HTR7: variants seen among roughly 807,000 people sequenced by gnomAD.
HTR7 encodes the protein 5-hydroxytryptamine receptor 7, also known as 5-HT-7.
A neutral mutation model predicts 34.0 loss-of-function variants in HTR7; 16 were observed. That is an observed-to-expected ratio of 0.47 (90% confidence interval 0.32 to 0.71). The LOEUF is 0.71. Ranked by LOEUF, HTR7 falls within the 30% of genes least tolerant of loss-of-function variation. The probability of loss-of-function intolerance (pLI) is 0.04; values close to 1 mark genes in which losing one functional copy is unlikely to be tolerated. For missense variants in HTR7, 504 were observed against 625.5 expected (o/e 0.81, Z 2.07); for synonymous variants, 265 against 260.2 (o/e 1.02, Z -0.18).
intron 1 of HTR7, among the ~76,000 whole-genome samples, chr10:90,817,012 T>C (rs1845907040): frequency 6.6e-6 from 1 of 152,234 alleles, no homozygotes; most frequent in African/African-American, 2.4e-5. Context: ...TCTATGTCTC[T>C]TGGCCACAAG....
intron 1 of HTR7, among the ~76,000 whole-genome samples, chr10:90,751,702 AG>A (rs1589435512): frequency 6.6e-6 from 1 of 152,314 alleles, no homozygotes; most frequent in East Asian, 1.9e-4. Context: ...ATGACAAAAA[AG>A]GTTGTATTTT....
intron 2 of HTR7, among the ~76,000 whole-genome samples, chr10:90,746,499 G>A (rs1021363673): frequency 6.6e-6 from 1 of 152,052 alleles, no homozygotes; most frequent in African/African-American, 2.4e-5. Context: ...TCCCTTGTCT[G>A]CCCTCCTCAC....
intron 1 of HTR7, among the ~76,000 whole-genome samples, chr10:90,823,250 G>T (rs567296455): frequency 1.3e-5 from 2 of 152,308 alleles, no homozygotes; most frequent in East Asian, 3.9e-4. Flanking sequence ...AGCCGAGGGG[G>T]CTATACCCTG....
At chr10:90,757,627 T>C (rs1188893652) in intron 1 of HTR7, among the ~76,000 whole-genome samples, 3 of 151,998 alleles carry the variant, frequency 2.0e-5, no homozygotes, top group African/African-American at 4.8e-5. Context: ...AAGAGAAAAA[T>C]AGCATATCAA....
chr10:90,856,961 C>G (rs770518504), intron 1 of HTR7, among the ~76,000 whole-genome samples, 172 bp downstream of exon 1: 19 of 152,206 alleles, frequency 1.2e-4, no homozygotes, highest in Non-Finnish European at 2.2e-4. Context: ...TAGGCTATGC[C>G]GTAACCGAAG....
At chr10:90,759,541 G>C (rs918741095) in intron 1 of HTR7, among the ~76,000 whole-genome samples, 2 of 150,784 alleles carry the variant, frequency 1.3e-5, no homozygotes, top group Non-Finnish European at 3.0e-5. Flanking sequence ...TGTAGTCCCA[G>C]CTACTCGGGA....
chr10:90,842,808 A>G (rs1354885785), intron 1 of HTR7, among the ~76,000 whole-genome samples: 1 of 151,950 alleles, frequency 6.6e-6, no homozygotes, highest in Non-Finnish European at 1.5e-5. Flanking sequence ...CTAAAAAGCT[A>G]ACTCCTGGAT....
chr10:90,755,949 C>T (rs1285799715), intron 1 of HTR7, among the ~76,000 whole-genome samples: 1 of 152,152 alleles, frequency 6.6e-6, no homozygotes. Context: ...AACTAATCCA[C>T]TCTACAGAAG....
chr10:90,758,603 T>C (rs2119710068), intron 1 of HTR7, among the ~76,000 whole-genome samples: 1 of 152,224 alleles, frequency 6.6e-6, no homozygotes, highest in South Asian at 2.1e-4. Context: ...ATGTAAAAAG[T>C]ATACAGTGAT....
At chr10:90,844,587 C>A (rs190125981) in intron 1 of HTR7, among the ~76,000 whole-genome samples, 31 of 151,240 alleles carry the variant, frequency 2.0e-4, no homozygotes, top group Middle Eastern at 3.4e-3. Context: ...ATTAGCCGGG[C>A]GTGGTGGTGG....
chr10:90,824,952 C>G (rs1846046707), intron 1 of HTR7, among the ~76,000 whole-genome samples: 2 of 152,194 alleles, frequency 1.3e-5, no homozygotes. Context: ...GGCTTTACCA[C>G]CTGCTGGCTG....
At chr10:90,763,025 G>A (rs1667144534) in intron 1 of HTR7, among the ~76,000 whole-genome samples, 1 of 152,074 alleles carries the variant, frequency 6.6e-6, no homozygotes. Context: ...GTACCATATT[G>A]TTTTCAGTAC....
intron 1 of HTR7, among the ~76,000 whole-genome samples, chr10:90,752,093 G>T (rs1844747940): frequency 6.6e-6 from 1 of 152,104 alleles, no homozygotes; most frequent in Non-Finnish European, 1.5e-5. Context: ...ATTCTCTAAT[G>T]ATTTCAAGAC....
intron 1 of HTR7, among the ~76,000 whole-genome samples, chr10:90,798,493 T>C (rs975734891): frequency 4.6e-5 from 7 of 152,102 alleles, no homozygotes; most frequent in Non-Finnish European, 1.5e-5. Context: ...GGAGGGAGGA[T>C]CACTTGAGCC....
intron 1 of HTR7, among the ~76,000 whole-genome samples, chr10:90,849,969 G>A (rs1037636704): frequency 1.3e-5 from 2 of 152,226 alleles, no homozygotes; most frequent in African/African-American, 4.8e-5. Context: ...TTTCCCTTGG[G>A]GCACTTGCCA....
chr10:90,787,060 A>AGACCC (rs1330350259), intron 1 of HTR7, among the ~76,000 whole-genome samples: 1 of 152,222 alleles, frequency 6.6e-6, no homozygotes, highest in Non-Finnish European at 1.5e-5. Context: ...AGCTCCTGTT[A>AGACCC]GACCCTTACT....
intron 1 of HTR7, among the ~76,000 whole-genome samples, chr10:90,847,233 G>A (rs951859648): frequency 1.3e-5 from 2 of 152,058 alleles, no homozygotes; most frequent in African/African-American, 4.8e-5. Context: ...GTTGTAGAGG[G>A]GATCAGTGGA....
chr10:90,837,331 A>G (rs1266187412), intron 1 of HTR7, among the ~76,000 whole-genome samples: 1 of 152,232 alleles, frequency 6.6e-6, no homozygotes, highest in Non-Finnish European at 1.5e-5. Flanking sequence ...GTTTTTGTGC[A>G]TCCTAGTGGA....
At chr10:90,788,239 C>A (rs1845410990) in intron 1 of HTR7, among the ~76,000 whole-genome samples, 1 of 152,110 alleles carries the variant, frequency 6.6e-6, no homozygotes. Context: ...GACAGCTGAT[C>A]TGATAACCCC....
Sources: gnomAD v4.1 joint callset for allele counts (sites outside exome capture counted in the v4.1 genomes callset) on GRCh38, gnomAD v4.1.1 for gene constraint, MANE v1.5 for transcripts, NCBI Gene and HGNC (gene_info 2026-07-23, HGNC 2026-07-21) for gene names.